PATJ: variants seen among roughly 807,000 people sequenced by gnomAD.
PATJ encodes PATJ crumbs cell polarity complex component.
In PATJ, 190 loss-of-function variants were observed where a neutral mutation model predicts 224.9. The observed-to-expected ratio is 0.84, with a 90% CI of 0.75 to 0.95. PATJ has a LOEUF of 0.95. Ranked by LOEUF, PATJ falls within the 40% of genes least tolerant of loss-of-function variation. PATJ has a pLI of 0.00. For synonymous variants in PATJ, 769 were observed against 820.3 expected, an observed-to-expected ratio of 0.94 and a Z score of 1.07; for missense variants, 2,121 against 2,270.3, an observed-to-expected ratio of 0.93 and a Z score of 1.34.
chr1:61,833,637 C>G lies in PATJ; in HGVS notation c.1981-17C>G. ...AAGCATAGTGTTTTGAAGCATTTAT[C>G]TTCTTTGGTATTTCAGGTTGACCAC... On this transcript the variant is annotated splice_polypyrimidine_tract_variant and intron_variant, in intron 16 of 43. Transcript: ENST00000642238. 1 of 1,598,542 alleles carries G rather than the reference C, an allele frequency of 6.3e-7. No individual in the cohort carries two copies.
chr1:62,140,958 G>C (rs1364812821), intron 41 of PATJ, among the ~76,000 whole-genome samples: 1 of 151,854 alleles, frequency 6.6e-6, no homozygotes, highest in Non-Finnish European at 1.5e-5. Context: ...AGCTAGGAAG[G>C]TTTCTAGGAA....
At chr1:61,779,644 C>G (rs1277867565) in intron 7 of PATJ, among the ~76,000 whole-genome samples, 1 of 152,182 alleles carries the variant, frequency 6.6e-6, no homozygotes, top group Non-Finnish European at 1.5e-5. Flanking sequence ...ATTCATTACC[C>G]CCAGCAGATT....
At chr1:62,127,219 AC>A (rs773084123) in intron 39 of PATJ, among the ~76,000 whole-genome samples, 22 of 152,210 alleles carry the variant, frequency 1.4e-4, no homozygotes, top group Non-Finnish European at 3.1e-4. Context: ...AAGATTAATA[AC>A]AGGGGTGACA....
At chr1:62,074,105 T>C (rs1349701234) in intron 31 of PATJ, among the ~76,000 whole-genome samples, 2 of 150,942 alleles carry the variant, frequency 1.3e-5, no homozygotes, top group Non-Finnish European at 2.9e-5. Context: ...TAAGAAACTA[T>C]AGATTACTAG....
intron 29 of PATJ, among the ~76,000 whole-genome samples, chr1:62,032,310 C>T (rs1465922726): frequency 1.5e-5 from 2 of 133,294 alleles, no homozygotes; most frequent in African/African-American, 5.4e-5. Flanking sequence ...CAATCTCTGA[C>T]TTCCTAGGCA....
intron 29 of PATJ, among the ~76,000 whole-genome samples, chr1:62,027,492 T>C (rs2148451156): frequency 6.6e-6 from 1 of 152,334 alleles, no homozygotes. Flanking sequence ...ACAAATGGAA[T>C]TCCTGAGTCA....
At chr1:61,975,715 T>C (rs536637420) in intron 27 of PATJ, among the ~76,000 whole-genome samples, 2 of 152,126 alleles carry the variant, frequency 1.3e-5, no homozygotes, top group African/African-American at 4.8e-5. Context: ...TCCAGGTGTT[T>C]AGAACCTCTG....
At chr1:62,069,373 C>A (rs1489638000) in intron 31 of PATJ, among the ~76,000 whole-genome samples, 2 of 150,918 alleles carry the variant, frequency 1.3e-5, no homozygotes, top group East Asian at 3.9e-4. Context: ...ATTATAAGAG[C>A]AATAATTATA....
At chr1:61,890,449 A>G (rs1321202297) in intron 22 of PATJ, among the ~76,000 whole-genome samples, 1 of 152,146 alleles carries the variant, frequency 6.6e-6, no homozygotes, top group Non-Finnish European at 1.5e-5. Context: ...ACTGCACTCC[A>G]GCCTGGCAAA....
At chr1:62,042,989 G>T (rs1558084529) in intron 30 of PATJ, among the ~76,000 whole-genome samples, 1 of 152,166 alleles carries the variant, frequency 6.6e-6, no homozygotes, top group Non-Finnish European at 1.5e-5. Context: ...GACCCGAAGG[G>T]TATCGCAGAG....
At chr1:61,815,208 G>T (rs1456867107) in intron 14 of PATJ, among the ~76,000 whole-genome samples, 1 of 152,204 alleles carries the variant, frequency 6.6e-6, no homozygotes, top group Non-Finnish European at 1.5e-5. Context: ...AAGTACAGTG[G>T]CTCTGCTGTG....
chr1:62,153,661 G>A (rs1249510694), intron 43 of PATJ, among the ~76,000 whole-genome samples, 180 bp downstream of exon 43: 1 of 152,160 alleles, frequency 6.6e-6, no homozygotes, highest in Non-Finnish European at 1.5e-5. Flanking sequence ...CTTTTACAAT[G>A]GCGGAGTCAC....
At chr1:62,071,901 T>C (rs1657487019) in intron 31 of PATJ, among the ~76,000 whole-genome samples, 1 of 152,208 alleles carries the variant, frequency 6.6e-6, no homozygotes, top group African/African-American at 2.4e-5. Context: ...GTCTGTGTAC[T>C]ACACCTCACC....
At chr1:61,998,444 C>A (rs1645549989) in intron 28 of PATJ, among the ~76,000 whole-genome samples, 1 of 151,722 alleles carries the variant, frequency 6.6e-6, no homozygotes, top group Non-Finnish European at 1.5e-5. Context: ...CCAGGCTAAT[C>A]TCCAACTCCT....
At chr1:61,908,595 T>C (rs2151122) in intron 25 of PATJ, 113 bp downstream of exon 25, 525,996 of 659,114 alleles carry the variant, frequency 0.8, 211,839 homozygotes, top group East Asian at 1. Flanking sequence ...CCAAACTATA[T>C]TTAAAGTATG....
intron 28 of PATJ, among the ~76,000 whole-genome samples, chr1:61,997,824 TAA>T (rs1553235992): frequency 4.7e-5 from 4 of 85,484 alleles, no homozygotes; most frequent in East Asian, 4.5e-4. Context: ...TGTTTTGTTT[TAA>T]AAAAAAAAAA....
At chr1:61,994,576 CAG>C (rs890174736) in intron 28 of PATJ, among the ~76,000 whole-genome samples, 6 of 150,868 alleles carry the variant, frequency 4.0e-5, no homozygotes, top group African/African-American at 1.5e-4. Flanking sequence ...TTTCCCAAGA[CAG>C]AGTTTCACTC....
At chr1:62,019,203 C>T (rs1206374840) in intron 29 of PATJ, among the ~76,000 whole-genome samples, 2 of 150,038 alleles carry the variant, frequency 1.3e-5, no homozygotes, top group African/African-American at 4.9e-5. Flanking sequence ...TGAGATCGCA[C>T]CATTGCACTC....
chr1:62,054,948 G>A (rs1337233108), intron 31 of PATJ, among the ~76,000 whole-genome samples: 1 of 152,032 alleles, frequency 6.6e-6, no homozygotes, highest in Non-Finnish European at 1.5e-5. Flanking sequence ...CCAGCTACTT[G>A]GGAGGCTGAG....
Sources: gnomAD v4.1 joint callset for allele counts (sites outside exome capture counted in the v4.1 genomes callset) on GRCh38, gnomAD v4.1.1 for gene constraint, MANE v1.5 for transcripts, NCBI Gene and HGNC (gene_info 2026-07-23, HGNC 2026-07-21) for gene names.